KCNJ3: variants seen among roughly 807,000 people sequenced by gnomAD.
The protein encoded by KCNJ3 is G protein-activated inward rectifier potassium channel 1.
KCNJ3 carries 4 observed loss-of-function variants against 39.2 expected under a neutral mutation model. The ratio of observed to expected loss-of-function variants is 0.10; its 90% confidence interval spans 0.05 to 0.23. The LOEUF (loss-of-function observed/expected upper bound fraction) is 0.23. Ranked by LOEUF, KCNJ3 falls within the 10% of genes least tolerant of loss-of-function variation. KCNJ3 has a pLI of 1.00. For missense variants in KCNJ3, 276 were observed against 634.9 expected (o/e 0.43, Z 6.08); for synonymous variants, 230 against 237.4 (o/e 0.97, Z 0.29).
chr2:154,771,574 C>CA (rs1194419907), intron 2 of KCNJ3, among the ~76,000 whole-genome samples: 2 of 152,068 alleles, frequency 1.3e-5, no homozygotes, highest in Non-Finnish European at 2.9e-5. Flanking sequence ...AGGGCAGACT[C>CA]AACCACGGGA....
intron 2 of KCNJ3, among the ~76,000 whole-genome samples, chr2:154,750,663 T>C (rs1169401999): frequency 2.0e-5 from 3 of 151,916 alleles, no homozygotes; most frequent in African/African-American, 7.2e-5. Flanking sequence ...TTTCATACAA[T>C]TTTTTCACCG....
intron 2 of KCNJ3, among the ~76,000 whole-genome samples, chr2:154,724,459 T>G (rs1212866234): frequency 6.6e-6 from 1 of 152,174 alleles, no homozygotes; most frequent in East Asian, 1.9e-4. Context: ...AAGGTATAGA[T>G]AAATCAACTT....
At chr2:154,733,253 T>C (rs116728378) in intron 2 of KCNJ3, among the ~76,000 whole-genome samples, 1,542 of 152,176 alleles carry the variant, frequency 0.01, 16 homozygotes, top group African/African-American at 0.035. Context: ...TTTTTTAAAT[T>C]AACTTACTCT....
chr2:154,851,420 T>C (rs957863498), intron 2 of KCNJ3, among the ~76,000 whole-genome samples: 1 of 152,192 alleles, frequency 6.6e-6, no homozygotes, highest in African/African-American at 2.4e-5. Context: ...AATAAATCAC[T>C]AGTCATTAAC....
intron 1 of KCNJ3, among the ~76,000 whole-genome samples, chr2:154,704,435 G>C (rs1360144195): frequency 6.6e-6 from 1 of 152,132 alleles, no homozygotes; most frequent in Non-Finnish European, 1.5e-5. Context: ...CATTTGAATG[G>C]TATGAAAGCC....
At chr2:154,767,919 G>C (rs1236005342) in intron 2 of KCNJ3, among the ~76,000 whole-genome samples, 1 of 152,116 alleles carries the variant, frequency 6.6e-6, no homozygotes, top group East Asian at 1.9e-4. Flanking sequence ...GTTTTGATTT[G>C]CATTTCTCTG....
chr2:154,840,485 AG>A (rs1456926972), intron 2 of KCNJ3, among the ~76,000 whole-genome samples: 1 of 152,148 alleles, frequency 6.6e-6, no homozygotes, highest in Non-Finnish European at 1.5e-5. Context: ...AGTCATTGGT[AG>A]CTTGATGGGG....
Position 154,719,336 on chromosome 2 carries a change from G to C in KCNJ3, c.919+9517G>C, listed in dbSNP as rs114758063. On this transcript the variant is annotated intron_variant, in intron 2 of 2. Coordinates refer to ENST00000295101, the MANE Select transcript of KCNJ3 (RefSeq NM_002239.4). Reference sequence around the variant, plus strand: ...CCATTGGCATGTGGTAAAACTGGAAGAGAACATAGCCCTTTAAATTTCTGA... The same window carrying C: ...CCATTGGCATGTGGTAAAACTGGAACAGAACATAGCCCTTTAAATTTCTGA... 6.6e-3 allele frequency among the ~76,000 whole-genome samples: 999 copies of C among 152,260 alleles called. 6 individuals are homozygous for C. The highest frequency in any genetic ancestry group is 0.017 in the Admixed American group (262 of 15,286).
intron 2 of KCNJ3, among the ~76,000 whole-genome samples, chr2:154,747,968 C>T (rs1685776089): frequency 6.6e-6 from 1 of 151,802 alleles, no homozygotes; most frequent in Non-Finnish European, 1.5e-5. Flanking sequence ...TGTTCTTCCT[C>T]AAGTTTTCTG....
At chr2:154,730,058 A>C (rs3111008) in intron 2 of KCNJ3, among the ~76,000 whole-genome samples, 79,421 of 151,348 alleles carry the variant, frequency 0.52, 22,034 homozygotes, top group African/African-American at 0.72. Context: ...CACATTTAGG[A>C]ATCATTTCAG....
intron 2 of KCNJ3, among the ~76,000 whole-genome samples, chr2:154,748,483 G>A (rs1430396519): frequency 1.3e-5 from 2 of 152,060 alleles, no homozygotes; most frequent in Non-Finnish European, 2.9e-5. Flanking sequence ...GCTATGGAGT[G>A]TGATGTCATC....
At chr2:154,756,405 G>A (rs1239287654) in intron 2 of KCNJ3, among the ~76,000 whole-genome samples, 1 of 152,132 alleles carries the variant, frequency 6.6e-6, no homozygotes, top group African/African-American at 2.4e-5. Flanking sequence ...GTGAATATCA[G>A]ATAGATATAT....
At chr2:154,780,803 A>G (rs1353381551) in intron 2 of KCNJ3, among the ~76,000 whole-genome samples, 2 of 152,184 alleles carry the variant, frequency 1.3e-5, no homozygotes, top group Non-Finnish European at 2.9e-5. Context: ...ATTGACATGA[A>G]TAATTTCTGA....
At chr2:154,842,832 G>A (rs532028747) in intron 2 of KCNJ3, among the ~76,000 whole-genome samples, 9 of 152,022 alleles carry the variant, frequency 5.9e-5, no homozygotes, top group South Asian at 2.1e-4. Flanking sequence ...GCCTATGTGC[G>A]TCTTTGCACG....
chr2:154,753,987 A>G (rs1685894325), intron 2 of KCNJ3, among the ~76,000 whole-genome samples: 1 of 152,168 alleles, frequency 6.6e-6, no homozygotes, highest in Non-Finnish European at 1.5e-5. Context: ...CATTGACTCC[A>G]TAATTTTTTA....
At chr2:154,759,216 G>A (rs1055392883) in intron 2 of KCNJ3, among the ~76,000 whole-genome samples, 1 of 152,168 alleles carries the variant, frequency 6.6e-6, no homozygotes, top group African/African-American at 2.4e-5. Context: ...AACTGCTAGT[G>A]CCGGGACACT....
chr2:154,799,462 T>G (rs1031168443), intron 2 of KCNJ3, among the ~76,000 whole-genome samples: 3 of 152,094 alleles, frequency 2.0e-5, no homozygotes, highest in African/African-American at 7.2e-5. Flanking sequence ...GATAGAATGC[T>G]GAGGAAGGAG....
At chr2:154,806,317 G>A (rs1458737482) in intron 2 of KCNJ3, among the ~76,000 whole-genome samples, 2 of 152,134 alleles carry the variant, frequency 1.3e-5, no homozygotes, top group Admixed American at 6.6e-5. Context: ...AGTACCAATG[G>A]AGCAATGCAA....
chr2:154,833,051 C>T (rs1045497691), intron 2 of KCNJ3, among the ~76,000 whole-genome samples: 2 of 152,030 alleles, frequency 1.3e-5, no homozygotes, highest in Non-Finnish European at 2.9e-5. Flanking sequence ...TTTTAAAATT[C>T]CTTGAAATAT....
Sources: allele counts gnomAD v4.1 joint callset (sites outside exome capture counted in the v4.1 genomes callset), GRCh38; gene constraint gnomAD v4.1.1; transcripts MANE v1.5; gene names NCBI Gene and HGNC (gene_info 2026-07-23, HGNC 2026-07-21).